The following ARL15 variants were observed in gnomAD, a reference collection of about 807,000 sequenced individuals.
The protein encoded by ARL15 is ADP-ribosylation factor-like protein 15.
ARL15 carries 19 observed loss-of-function variants against 25.2 expected under a neutral mutation model. The observed-to-expected ratio is 0.75, with a 90% confidence interval of 0.53 to 1.10. The LOEUF (loss-of-function observed/expected upper bound fraction) is 1.10, where lower values mean the gene tolerates loss of function less well. Ranked by LOEUF, ARL15 falls within the 50% of genes least tolerant of loss-of-function variation. The probability of loss-of-function intolerance (pLI) is 0.00; values close to 1 mark genes in which losing one functional copy is unlikely to be tolerated. For synonymous variants in ARL15, 94 were observed against 86.8 expected, an observed-to-expected ratio of 1.08 and a Z score of -0.46; for missense variants, 220 against 246.0, an observed-to-expected ratio of 0.89 and a Z score of 0.71.
chr5:53,977,424 T>G (rs2111567089), intron 4 of ARL15, among the ~76,000 whole-genome samples: 1 of 152,250 alleles, frequency 6.6e-6, no homozygotes. Context: ...ACAGTAGTCT[T>G]TTACATAGTA....
intron 1 of ARL15, among the ~76,000 whole-genome samples, chr5:54,247,063 A>C (rs1757108601): frequency 6.6e-6 from 1 of 152,128 alleles, no homozygotes; most frequent in African/African-American, 2.4e-5. Flanking sequence ...ATTCAAATTA[A>C]AATAATTTGC....
chr5:54,181,759 C>T (rs1755065594), intron 1 of ARL15, among the ~76,000 whole-genome samples: 1 of 152,128 alleles, frequency 6.6e-6, no homozygotes, highest in Admixed American at 6.5e-5. Flanking sequence ...CATAGCGAGA[C>T]CCCATCTCTT....
chr5:54,151,139 G>A (rs1286642215), intron 3 of ARL15, among the ~76,000 whole-genome samples: 2 of 152,182 alleles, frequency 1.3e-5, no homozygotes, highest in Non-Finnish European at 2.9e-5. Flanking sequence ...CTGTGTAGGG[G>A]AGAGAAAAGG....
At chr5:54,177,956 T>C (rs1255074832) in intron 1 of ARL15, among the ~76,000 whole-genome samples, 1 of 152,250 alleles carries the variant, frequency 6.6e-6, no homozygotes, top group Non-Finnish European at 1.5e-5. Flanking sequence ...CTACAGTTAA[T>C]ACTATGACAC....
At chr5:54,094,316 C>T (rs1346108967) in intron 4 of ARL15, among the ~76,000 whole-genome samples, 1 of 151,750 alleles carries the variant, frequency 6.6e-6, no homozygotes, top group Non-Finnish European at 1.5e-5. Context: ...AATAATTTTG[C>T]TAATTAAATC....
intron 4 of ARL15, among the ~76,000 whole-genome samples, chr5:53,986,778 C>G (rs930217086): frequency 6.6e-6 from 1 of 152,158 alleles, no homozygotes; most frequent in African/African-American, 2.4e-5. Context: ...ACATTCTGTA[C>G]TGGAGCTACA....
chr5:54,010,420 T>G (rs1309858078), intron 4 of ARL15, among the ~76,000 whole-genome samples: 1 of 152,200 alleles, frequency 6.6e-6, no homozygotes, highest in East Asian at 1.9e-4. Context: ...GTATTTCCAC[T>G]GGAATTATCT....
intron 1 of ARL15, among the ~76,000 whole-genome samples, chr5:54,201,648 C>A (rs913963420): frequency 6.6e-6 from 1 of 152,104 alleles, no homozygotes; most frequent in Non-Finnish European, 1.5e-5. Flanking sequence ...CCCCACCCTG[C>A]TCTTTGGCTA....
chr5:54,306,757 A>G (rs1326725401), intron 1 of ARL15, among the ~76,000 whole-genome samples: 2 of 152,208 alleles, frequency 1.3e-5, no homozygotes, highest in African/African-American at 4.8e-5. Flanking sequence ...TCCCTCCACT[A>G]TCTCATTTAA....
intron 4 of ARL15, among the ~76,000 whole-genome samples, chr5:54,106,096 GT>G: frequency 6.6e-6 from 1 of 152,096 alleles, no homozygotes; most frequent in East Asian, 1.9e-4. Flanking sequence ...CTGATATGGT[GT>G]TAAAAAAAGT....
intron 4 of ARL15, among the ~76,000 whole-genome samples, chr5:53,957,466 G>A (rs992178080): frequency 6.6e-6 from 1 of 151,410 alleles, no homozygotes; most frequent in Non-Finnish European, 1.5e-5. Flanking sequence ...GCTAAAGAGA[G>A]TTCTTTAGGT....
Position 53,886,116 on chromosome 5 carries a change from AG to A in ARL15, c.*444del. ...GATAAAATAAAACAAAACCCCCAAT[AG>A]GTCTTGAAAATAATATAAATATTTT... On this transcript the variant is annotated 3_prime_UTR_variant, in exon 5 of 5. Coordinates refer to ENST00000504924, the MANE Select transcript of ARL15 (RefSeq NM_019087.3). 1 of 152,320 alleles carries A rather than the reference AG, an allele frequency of 6.6e-6. No homozygotes were observed. Among genetic ancestry groups the A allele is most frequent in the South Asian group, 2.1e-4 (1 of 4,820 alleles). 9.4% of individuals were successfully genotyped at this position (152,320 alleles called of 1,614,324 possible).
intron 1 of ARL15, among the ~76,000 whole-genome samples, chr5:54,278,054 A>C (rs944150953): frequency 7.9e-5 from 12 of 152,230 alleles, no homozygotes; most frequent in Admixed American, 5.9e-4. Flanking sequence ...CACAACCCAC[A>C]GGAAGGTCAC....
intron 1 of ARL15, among the ~76,000 whole-genome samples, chr5:54,219,021 G>T (rs1221823501): frequency 6.6e-6 from 1 of 150,766 alleles, no homozygotes. Context: ...CTGAAAACAG[G>T]TTACAGACAG....
chr5:54,271,706 C>A (rs1757789517), intron 1 of ARL15, among the ~76,000 whole-genome samples: 1 of 151,962 alleles, frequency 6.6e-6, no homozygotes, highest in African/African-American at 2.4e-5. Context: ...TTAGCTAAAC[C>A]CAAAAGAATA....
intron 1 of ARL15, among the ~76,000 whole-genome samples, chr5:54,224,655 T>C (rs1349156371): frequency 6.6e-6 from 1 of 151,916 alleles, no homozygotes; most frequent in African/African-American, 2.4e-5. Context: ...AGTGTAAAAA[T>C]GATAGTTGTC....
chr5:54,022,095 C>T (rs1361222796), intron 4 of ARL15, among the ~76,000 whole-genome samples: 1 of 152,030 alleles, frequency 6.6e-6, no homozygotes, highest in Non-Finnish European at 1.5e-5. Context: ...CGAAGGGAAA[C>T]TCAGAGAATT....
At chr5:54,070,879 C>A (rs973633354) in intron 4 of ARL15, among the ~76,000 whole-genome samples, 3 of 151,934 alleles carry the variant, frequency 2.0e-5, no homozygotes, top group African/African-American at 4.8e-5. Context: ...AAATACATTT[C>A]TTTTCTTGGC....
intron 3 of ARL15, among the ~76,000 whole-genome samples, chr5:54,125,057 A>C (rs1368961323): frequency 2.0e-5 from 3 of 151,612 alleles, no homozygotes; most frequent in Non-Finnish European, 4.4e-5. Flanking sequence ...CCTTTCTGGT[A>C]AGCAAGTTTT....
Sources: gnomAD v4.1 joint callset for allele counts (sites outside exome capture counted in the v4.1 genomes callset) on GRCh38, gnomAD v4.1.1 for gene constraint, MANE v1.5 for transcripts, NCBI Gene and HGNC (gene_info 2026-07-23, HGNC 2026-07-21) for gene names.